Variants in ITPR1 observed in about 807,000 individuals in gnomAD.
ITPR1 encodes inositol 1,4,5-trisphosphate-gated calcium channel ITPR1.
ITPR1 carries 96 observed loss-of-function variants against 318.4 expected under a neutral mutation model. The observed-to-expected ratio is 0.30, with a 90% confidence interval of 0.26 to 0.36. The LOEUF is 0.36. Among genes scored for constraint, ITPR1 ranks in the 10% least tolerant of loss-of-function variants. ITPR1 has a pLI of 1.00. For synonymous variants in ITPR1, 1,312 were observed against 1,289.9 expected (o/e 1.02, Z -0.37); for missense variants, 2,440 against 3,460.2 (o/e 0.71, Z 7.40).
intron 10 of ITPR1, among the ~76,000 whole-genome samples, chr3:4,650,991 C>G (rs1201254404): frequency 6.6e-6 from 1 of 152,112 alleles, no homozygotes; most frequent in Non-Finnish European, 1.5e-5. Context: ...CCTTTGAAGG[C>G]TTATTTTCAA....
chr3:4,569,503 G>A lies in ITPR1; in HGVS notation c.163+48409G>A, dbSNP rs1209666657. Among the ~76,000 whole-genome samples, 5 of 152,216 alleles carry A rather than the reference G, an allele frequency of 3.3e-5. No individual in the cohort carries two copies. The East Asian group carries it at 9.6e-4, about 29-fold the overall frequency. On this transcript the variant is annotated intron_variant, in intron 4 of 61. Coordinates refer to ENST00000649015, the MANE Select transcript of ITPR1 (RefSeq NM_001378452.1). Reference sequence around the variant, plus strand: ...AAACAAAACATTGTGTGACAAGCTTGTGCATTGCTGATTCTCTGTGTTGGC... The same window carrying A: ...AAACAAAACATTGTGTGACAAGCTTATGCATTGCTGATTCTCTGTGTTGGC...
At chr3:4,751,786 C>G (rs116713187) in intron 44 of ITPR1, among the ~76,000 whole-genome samples, 4,199 of 152,288 alleles carry the variant, frequency 0.028, 85 homozygotes, top group Non-Finnish European at 0.043. Flanking sequence ...ATGGTTGAGA[C>G]TGTTTTCTCA....
intron 16 of ITPR1, among the ~76,000 whole-genome samples, chr3:4,663,645 T>A (rs2093885631): frequency 6.6e-6 from 1 of 152,226 alleles, no homozygotes; most frequent in East Asian, 1.9e-4. Context: ...GGAATCAACA[T>A]TGATACATCA....
At chr3:4,676,516 G>A in intron 23 of ITPR1, 98 bp from the exon 24 acceptor site, 3 of 835,978 alleles carry the variant, frequency 3.6e-6, no homozygotes, top group East Asian at 5.4e-5. Context: ...ATAGGGATAT[G>A]TTAAATAATT....
At chr3:4,514,100 A>AT (rs1466643395) in intron 2 of ITPR1, among the ~76,000 whole-genome samples, 1 of 151,668 alleles carries the variant, frequency 6.6e-6, no homozygotes, top group Admixed American at 6.6e-5. Flanking sequence ...AAAAAAAAAA[A>AT]GTCTGATAGA....
At chr3:4,604,587 G>A (rs2091556601) in intron 4 of ITPR1, among the ~76,000 whole-genome samples, 1 of 152,116 alleles carries the variant, frequency 6.6e-6, no homozygotes, top group African/African-American at 2.4e-5. Context: ...TTTGGCATCA[G>A]TTTGCCTGAG....
At chr3:4,586,655 A>G (rs2125060707) in intron 4 of ITPR1, among the ~76,000 whole-genome samples, 1 of 151,118 alleles carries the variant, frequency 6.6e-6, no homozygotes, top group South Asian at 2.1e-4. Flanking sequence ...GACTGCAGGC[A>G]CTGTCCCCAT....
chr3:4,811,677 A>G (rs1210069304), intron 56 of ITPR1, among the ~76,000 whole-genome samples: 1 of 152,210 alleles, frequency 6.6e-6, no homozygotes, highest in African/African-American at 2.4e-5. Flanking sequence ...TCTGACATTT[A>G]TTTATTCACT....
At chr3:4,692,271 A>G (rs1387322345) in intron 32 of ITPR1, among the ~76,000 whole-genome samples, 1 of 120,802 alleles carries the variant, frequency 8.3e-6, no homozygotes, top group East Asian at 1.9e-4. Context: ...CTTTTCTATA[A>G]CATGAAGATA....
intron 60 of ITPR1, among the ~76,000 whole-genome samples, chr3:4,836,444 C>A (rs1049688734): frequency 3.6e-4 from 55 of 152,090 alleles, no homozygotes; most frequent in Non-Finnish European, 2.2e-4. Flanking sequence ...TTTAAAAAAA[C>A]CAAACTCATC....
chr3:4,725,658 G>C, intron 41 of ITPR1, 77 bp downstream of exon 41: 1 of 1,309,498 alleles, frequency 7.6e-7, no homozygotes. Context: ...TTGGGTGTCT[G>C]AATTGTTGTA....
chr3:4,745,146 C>G (rs1378579337), intron 44 of ITPR1, among the ~76,000 whole-genome samples: 1 of 147,158 alleles, frequency 6.8e-6, no homozygotes, highest in African/African-American at 2.5e-5. Context: ...CTTCCTCCCT[C>G]CCTTCTTTCC....
intron 4 of ITPR1, among the ~76,000 whole-genome samples, chr3:4,525,200 T>C (rs1225452018): frequency 6.6e-6 from 1 of 152,174 alleles, no homozygotes; most frequent in Non-Finnish European, 1.5e-5. Context: ...GATTCCATAA[T>C]ATTTCTCAGC....
At chr3:4,592,481 G>A (rs773293956) in intron 4 of ITPR1, among the ~76,000 whole-genome samples, 1 of 151,854 alleles carries the variant, frequency 6.6e-6, no homozygotes, top group Non-Finnish European at 1.5e-5. Flanking sequence ...ATTAATCATG[G>A]TCCTCTAGGG....
At chr3:4,560,083 A>G (rs1385976180) in intron 4 of ITPR1, among the ~76,000 whole-genome samples, 2 of 152,204 alleles carry the variant, frequency 1.3e-5, no homozygotes, top group South Asian at 4.1e-4. Context: ...GTCCTGGCTC[A>G]TAAGATTAAA....
chr3:4,603,111 C>T (rs946400016), intron 4 of ITPR1, among the ~76,000 whole-genome samples: 1 of 151,726 alleles, frequency 6.6e-6, no homozygotes, highest in Admixed American at 6.6e-5. Flanking sequence ...CTTTTGACTA[C>T]AAAACAAGTG....
At chr3:4,573,636 T>C (rs910668732) in intron 4 of ITPR1, among the ~76,000 whole-genome samples, 5 of 152,192 alleles carry the variant, frequency 3.3e-5, no homozygotes, top group African/African-American at 1.2e-4. Flanking sequence ...GACACACTGG[T>C]TTTTGTACTT....
intron 54 of ITPR1, among the ~76,000 whole-genome samples, chr3:4,801,932 A>G (rs759049706): frequency 6.6e-6 from 1 of 152,172 alleles, no homozygotes; most frequent in African/African-American, 2.4e-5. Flanking sequence ...ATAAATAAAG[A>G]GTTTCACCTC....
At chr3:4,668,398 C>G (rs573619464) in intron 18 of ITPR1, among the ~76,000 whole-genome samples, 1 of 152,116 alleles carries the variant, frequency 6.6e-6, no homozygotes, top group East Asian at 1.9e-4. Context: ...GCTTATTTCA[C>G]TTAGCATTAT....
Sources: gnomAD v4.1 joint callset for allele counts (sites outside exome capture counted in the v4.1 genomes callset) on GRCh38, gnomAD v4.1.1 for gene constraint, MANE v1.5 for transcripts, NCBI Gene and HGNC (gene_info 2026-07-23, HGNC 2026-07-21) for gene names.